DLGAP2: variants seen among roughly 807,000 people sequenced by gnomAD.
DLGAP2 encodes the protein DLG associated protein 2, also known as disks large-associated protein 2.
DLGAP2 carries 26 observed loss-of-function variants against 100.3 expected under a neutral mutation model. That is an observed-to-expected ratio of 0.26 (90% CI 0.19 to 0.36). The LOEUF (loss-of-function observed/expected upper bound fraction) is 0.36, where lower values mean the gene tolerates loss of function less well. Ranked by LOEUF, DLGAP2 falls within the 10% of genes least tolerant of loss-of-function variation. DLGAP2 has a pLI of 1.00. For synonymous variants in DLGAP2, 886 were observed against 630.1 expected, an observed-to-expected ratio of 1.41 and a Z score of -6.08; for missense variants, 1,858 against 1,453.2, an observed-to-expected ratio of 1.28 and a Z score of -4.53.
chr8:1,028,471 T>G (rs765525294), intron 2 of DLGAP2, among the ~76,000 whole-genome samples: 1,587 of 79,670 alleles, frequency 0.02, no homozygotes, highest in Middle Eastern at 0.11. Flanking sequence ...TCAGGCGCCC[T>G]TTATTCTCCA....
chr8:964,718 T>G (rs1048702628), intron 2 of DLGAP2, among the ~76,000 whole-genome samples: 1 of 152,190 alleles, frequency 6.6e-6, no homozygotes, highest in African/African-American at 2.4e-5. Context: ...CCCAGGCCTT[T>G]GGACATTTGC....
intron 6 of DLGAP2, among the ~76,000 whole-genome samples, chr8:1,595,527 C>G (rs1306486398): frequency 6.6e-6 from 1 of 151,010 alleles, no homozygotes; most frequent in Non-Finnish European, 1.5e-5. Context: ...ATTAGCCGGG[C>G]ACGGTGGCGG....
At chr8:889,712 G>GCCCCAGTGCTGGCTGCTGC (rs1162187363) in intron 1 of DLGAP2, among the ~76,000 whole-genome samples, 2 of 152,192 alleles carry the variant, frequency 1.3e-5, no homozygotes, top group Non-Finnish European at 2.9e-5. Context: ...GCCATTGTGA[G>GCCCCAGTGCTGGCTGCTGC]CCCCAGTGCT....
intron 2 of DLGAP2, among the ~76,000 whole-genome samples, chr8:1,106,418 G>C (rs115413243): frequency 2.0e-5 from 3 of 149,828 alleles, no homozygotes; most frequent in Non-Finnish European, 4.4e-5. Flanking sequence ...ATTGAAGGGA[G>C]CCACTCTAGG....
intron 3 of DLGAP2, among the ~76,000 whole-genome samples, chr8:1,492,079 C>G (rs1385553827): frequency 2.6e-5 from 4 of 152,240 alleles, no homozygotes; most frequent in Admixed American, 1.3e-4. Flanking sequence ...GAGACTTTCT[C>G]TTGGCCTGAT....
At chr8:1,045,731 G>T (rs1347110501) in intron 2 of DLGAP2, among the ~76,000 whole-genome samples, 1 of 152,184 alleles carries the variant, frequency 6.6e-6, no homozygotes, top group Non-Finnish European at 1.5e-5. Context: ...AGGTGTGTGT[G>T]TGTTGTCTGT....
At chr8:787,812 C>T (rs1020310544) in intron 1 of DLGAP2, among the ~76,000 whole-genome samples, 2 of 152,220 alleles carry the variant, frequency 1.3e-5, no homozygotes, top group African/African-American at 4.8e-5. Context: ...GCTGTTGGGG[C>T]TTGAGGCCTG....
chr8:936,313 A>C (rs937076633), intron 2 of DLGAP2, among the ~76,000 whole-genome samples: 50 of 152,292 alleles, frequency 3.3e-4, no homozygotes, highest in African/African-American at 1.1e-3. Context: ...ACATGCTTCT[A>C]CATTGGAAAA....
chr8:1,455,032 G>T (rs1461954049), intron 3 of DLGAP2, among the ~76,000 whole-genome samples: 1 of 152,198 alleles, frequency 6.6e-6, no homozygotes, highest in Admixed American at 6.5e-5. Flanking sequence ...TTGGGGGTCT[G>T]GGGAGGGGGG....
intron 2 of DLGAP2, among the ~76,000 whole-genome samples, chr8:1,210,688 G>A (rs1182766316): frequency 6.6e-6 from 1 of 152,158 alleles, no homozygotes; most frequent in East Asian, 1.9e-4. Context: ...GGGGCCACTT[G>A]AGGCCAAAGA....
At chr8:1,684,007 A>G (rs1799047609) in intron 12 of DLGAP2, among the ~76,000 whole-genome samples, 1 of 122,252 alleles carries the variant, frequency 8.2e-6, no homozygotes. Context: ...TTTAAGACGA[A>G]GTCTCACTCT....
At chr8:1,042,913 G>T (rs1479748865) in intron 2 of DLGAP2, among the ~76,000 whole-genome samples, 1 of 138,534 alleles carries the variant, frequency 7.2e-6, no homozygotes, top group Non-Finnish European at 1.6e-5. Flanking sequence ...GTGGGTGTGG[G>T]TGGTGGGTGT....
At chr8:1,302,998 A>G (rs542444796) in intron 3 of DLGAP2, among the ~76,000 whole-genome samples, 4 of 152,222 alleles carry the variant, frequency 2.6e-5, no homozygotes, top group South Asian at 2.1e-4. Flanking sequence ...TGTCGGCTGC[A>G]GGCTGTGAGG....
intron 1 of DLGAP2, among the ~76,000 whole-genome samples, chr8:804,417 A>T (rs1013986702): frequency 1.3e-5 from 2 of 152,086 alleles, no homozygotes; most frequent in African/African-American, 4.8e-5. Context: ...GGTGGTGGAA[A>T]CCGCTACTGC....
intron 2 of DLGAP2, among the ~76,000 whole-genome samples, chr8:1,115,179 G>C (rs182053573): frequency 6.6e-5 from 10 of 152,370 alleles, no homozygotes; most frequent in South Asian, 6.2e-4. Flanking sequence ...TTTTGGGGTA[G>C]AGTGTTCTAT....
intron 1 of DLGAP2, among the ~76,000 whole-genome samples, chr8:759,294 C>T (rs1423482196): frequency 6.6e-6 from 1 of 150,782 alleles, no homozygotes; most frequent in Admixed American, 6.6e-5. Flanking sequence ...ATCAATACCC[C>T]CCACAGCCTC....
At chr8:846,848 G>C (rs1205665662) in intron 1 of DLGAP2, among the ~76,000 whole-genome samples, 1 of 152,150 alleles carries the variant, frequency 6.6e-6, no homozygotes, top group Admixed American at 6.5e-5. Flanking sequence ...CATTTTCCCA[G>C]TGATGAGTGA....
intron 5 of DLGAP2, among the ~76,000 whole-genome samples, chr8:1,551,934 G>C (rs1801781610): frequency 6.6e-6 from 1 of 152,176 alleles, no homozygotes; most frequent in African/African-American, 2.4e-5. Flanking sequence ...CCTGGCAGCT[G>C]CTGATGAGCC....
intron 2 of DLGAP2, among the ~76,000 whole-genome samples, chr8:1,131,246 C>T (rs73182617): frequency 0.075 from 11,395 of 152,110 alleles, 543 homozygotes; most frequent in Middle Eastern, 0.16. Flanking sequence ...TGCCTGCTTT[C>T]AGGAAAAACG....
Sources: allele counts gnomAD v4.1 joint callset (sites outside exome capture counted in the v4.1 genomes callset), GRCh38; gene constraint gnomAD v4.1.1; transcripts MANE v1.5; gene names NCBI Gene and HGNC (gene_info 2026-07-23, HGNC 2026-07-21).